PPP3CA: variants seen among roughly 807,000 people sequenced by gnomAD.
The protein encoded by PPP3CA is CAM-PRP catalytic subunit.
PPP3CA carries 14 observed loss-of-function variants against 66.5 expected under a neutral mutation model. The observed-to-expected ratio is 0.21, with a 90% CI of 0.14 to 0.33. The LOEUF is 0.33. PPP3CA is among the 10% of genes least tolerant of loss of function. The pLI is 1.00. For synonymous variants in PPP3CA, 232 were observed against 226.2 expected, an observed-to-expected ratio of 1.03 and a Z score of -0.23; for missense variants, 317 against 639.5, an observed-to-expected ratio of 0.50 and a Z score of 5.44.
At chr4:101,271,439 T>C (rs975630505) in intron 1 of PPP3CA, among the ~76,000 whole-genome samples, 2 of 152,100 alleles carry the variant, frequency 1.3e-5, no homozygotes, top group South Asian at 2.1e-4. Flanking sequence ...ATGATATTTC[T>C]CTTTAATCTT....
At chr4:101,267,482 C>T (rs1291494382) in intron 1 of PPP3CA, among the ~76,000 whole-genome samples, 1 of 152,054 alleles carries the variant, frequency 6.6e-6, no homozygotes, top group East Asian at 1.9e-4. Context: ...CAAATAATTA[C>T]AGTACAGAAA....
At chr4:101,219,721 AG>A (rs1725565126) in intron 1 of PPP3CA, among the ~76,000 whole-genome samples, 1 of 151,874 alleles carries the variant, frequency 6.6e-6, no homozygotes, top group Non-Finnish European at 1.5e-5. Flanking sequence ...TACAGTCTTC[AG>A]TACTGTCATC....
intron 2 of PPP3CA, among the ~76,000 whole-genome samples, chr4:101,165,585 C>G (rs1365752910): frequency 3.3e-5 from 5 of 151,982 alleles, no homozygotes; most frequent in Non-Finnish European, 5.9e-5. Context: ...AAAGAAAAAC[C>G]CTTGAACATC....
At position 101,263,946 on chromosome 4, in the gene PPP3CA, T is replaced by C. The variant is rs137922030; in HGVS notation, c.59-67830A>G. Reference sequence around the variant, plus strand: ...GGTTAGAAATTCATGTCAGTTAGGTTGACAGAGAAGATGGTAAAAAGGGTG... The same window carrying C: ...GGTTAGAAATTCATGTCAGTTAGGTCGACAGAGAAGATGGTAAAAAGGGTG... On this transcript the variant is annotated intron_variant, in intron 1 of 13. Transcript: ENST00000394854. 8.2e-3 allele frequency among the ~76,000 whole-genome samples: 1,249 copies of C among 152,278 alleles called. 11 individuals carry two copies. Among genetic ancestry groups the C allele is most frequent in the Middle Eastern group, 0.02 (6 of 294 alleles).
intron 1 of PPP3CA, among the ~76,000 whole-genome samples, chr4:101,245,575 G>C (rs1452145657): frequency 6.6e-6 from 1 of 152,096 alleles, no homozygotes; most frequent in Non-Finnish European, 1.5e-5. Flanking sequence ...GAGATTTCAA[G>C]AGCTACTATT....
chr4:101,166,826 A>G (rs770681742), intron 2 of PPP3CA, among the ~76,000 whole-genome samples: 13 of 152,192 alleles, frequency 8.5e-5, no homozygotes, highest in Non-Finnish European at 1.5e-4. Flanking sequence ...AGGGTATATT[A>G]ATACATTTGA....
chr4:101,219,867 T>C (rs533286598), intron 1 of PPP3CA, among the ~76,000 whole-genome samples: 52 of 151,962 alleles, frequency 3.4e-4, no homozygotes, highest in Middle Eastern at 3.4e-3. Context: ...AATAATGAGA[T>C]ACACAAATGC....
chr4:101,040,464 G>A lies in PPP3CA; in HGVS notation c.1241+18C>T, dbSNP rs1727465032. On this transcript the variant is annotated intron_variant, in intron 11 of 13. Transcript: ENST00000394854. ...CATAATACAATTTGAAACAAAAACA[G>A]AGTACGAATGCACCCACCTGAGCAC... The A allele has an allele frequency of 1.3e-6, 2 of 1,552,278 alleles. No individual in the cohort carries two copies. The highest frequency in any genetic ancestry group is 1.7e-6 in the Non-Finnish European group (2 of 1,144,372).
intron 10 of PPP3CA, among the ~76,000 whole-genome samples, chr4:101,059,317 AAAGTT>A (rs998466920): frequency 3.9e-5 from 6 of 152,268 alleles, no homozygotes; most frequent in Non-Finnish European, 4.4e-5. Context: ...TTAGCCCAGT[AAAGTT>A]GTTTTTTAAA....
At chr4:101,196,488 G>T (rs535055206) in intron 1 of PPP3CA, among the ~76,000 whole-genome samples, 1 of 152,076 alleles carries the variant, frequency 6.6e-6, no homozygotes, top group African/African-American at 2.4e-5. Context: ...TGCAAAGATG[G>T]GTCTCCACTA....
chr4:101,114,076 G>A (rs1415820437), intron 2 of PPP3CA, among the ~76,000 whole-genome samples: 1 of 152,052 alleles, frequency 6.6e-6, no homozygotes, highest in Non-Finnish European at 1.5e-5. Context: ...GAATGCTGGT[G>A]GGTGGGGTAC....
chr4:101,295,045 TA>T (rs1187197274), intron 1 of PPP3CA, among the ~76,000 whole-genome samples: 1 of 152,006 alleles, frequency 6.6e-6, no homozygotes, highest in Non-Finnish European at 1.5e-5. Context: ...CTCACGCCTG[TA>T]ATCCCAGCAC....
intron 1 of PPP3CA, among the ~76,000 whole-genome samples, chr4:101,342,245 G>A (rs945757820): frequency 1.7e-4 from 26 of 151,892 alleles, no homozygotes; most frequent in Admixed American, 1.6e-3. Flanking sequence ...TTAAAATAAG[G>A]GTTCTATCCC....
intron 1 of PPP3CA, among the ~76,000 whole-genome samples, chr4:101,316,638 AT>A (rs1240280002): frequency 6.6e-6 from 1 of 152,236 alleles, no homozygotes; most frequent in Non-Finnish European, 1.5e-5. Flanking sequence ...TTATGAACAA[AT>A]AGCCAAATAG....
At chr4:101,047,116 G>A (rs1727799955) in intron 10 of PPP3CA, among the ~76,000 whole-genome samples, 1 of 152,004 alleles carries the variant, frequency 6.6e-6, no homozygotes. Flanking sequence ...CAAACCTTGA[G>A]CTCTTATATC....
intron 1 of PPP3CA, among the ~76,000 whole-genome samples, chr4:101,225,135 T>G (rs931576911): frequency 6.6e-6 from 1 of 151,798 alleles, no homozygotes; most frequent in African/African-American, 2.4e-5. Context: ...AACCACCCTG[T>G]TTTAAATGGA....
intron 1 of PPP3CA, among the ~76,000 whole-genome samples, chr4:101,273,965 T>A (rs1727412695): frequency 2.0e-5 from 3 of 151,868 alleles, no homozygotes; most frequent in South Asian, 2.1e-4. Context: ...TGAAAAAAAA[T>A]CTTTATACAA....
intron 10 of PPP3CA, among the ~76,000 whole-genome samples, chr4:101,057,138 T>C (rs1442228653): frequency 1.3e-5 from 2 of 151,760 alleles, no homozygotes; most frequent in Non-Finnish European, 2.9e-5. Context: ...CACTGCAACC[T>C]CTGTCTCCCG....
At chr4:101,162,005 C>T (rs533082439) in intron 2 of PPP3CA, among the ~76,000 whole-genome samples, 8 of 152,168 alleles carry the variant, frequency 5.3e-5, no homozygotes, top group East Asian at 1.9e-4. Context: ...TCTGTGAGGC[C>T]GAGGCTGGCG....
Sources: gnomAD v4.1 joint callset for allele counts (sites outside exome capture counted in the v4.1 genomes callset) on GRCh38, gnomAD v4.1.1 for gene constraint, MANE v1.5 for transcripts, NCBI Gene and HGNC (gene_info 2026-07-23, HGNC 2026-07-21) for gene names.